The following AKAP19 variants were observed in gnomAD, a reference collection of about 807,000 sequenced individuals.
AKAP19 encodes the protein A-kinase anchoring protein 19.
chr2:190,057,282 T>C, the AKAP19 span: 3 of 1,613,344 alleles, frequency 1.9e-6, no homozygotes, highest in East Asian at 6.7e-5. Context: ...AGCGGTCTAC[T>C]ACCATCGCTG....
chr2:190,086,345 A>C, the AKAP19 span, among the ~76,000 whole-genome samples: 1 of 152,222 alleles, frequency 6.6e-6, no homozygotes, highest in Non-Finnish European at 1.5e-5. Flanking sequence ...GATAACCTGT[A>C]ATAATTTCAC....
the AKAP19 span, among the ~76,000 whole-genome samples, chr2:189,948,932 TG>T: frequency 6.6e-6 from 1 of 152,208 alleles, no homozygotes; most frequent in African/African-American, 2.4e-5. Flanking sequence ...ATTTTTGTTT[TG>T]TTTTTCTAGT....
the AKAP19 span, among the ~76,000 whole-genome samples, chr2:190,139,857 C>T: frequency 6.6e-6 from 1 of 152,152 alleles, no homozygotes; most frequent in Admixed American, 6.5e-5. Context: ...AACAGTGCCC[C>T]AATATCTTAA....
chr2:190,075,173 T>C, the AKAP19 span, among the ~76,000 whole-genome samples: 1 of 152,230 alleles, frequency 6.6e-6, no homozygotes, highest in African/African-American at 2.4e-5. Flanking sequence ...AGAAGTATGA[T>C]TAATTTCCAA....
the AKAP19 span, among the ~76,000 whole-genome samples, chr2:190,185,953 C>T: frequency 1.3e-5 from 2 of 152,144 alleles, no homozygotes; most frequent in African/African-American, 2.4e-5. Context: ...TATAGATTCA[C>T]AATTTTTATT....
chr2:189,930,394 G>T, the AKAP19 span: 1 of 334,960 alleles, frequency 3.0e-6, no homozygotes, highest in Non-Finnish European at 5.6e-6. Flanking sequence ...AAATTGAATT[G>T]GGGCTGGGCG....
chr2:190,175,702 G>A, the AKAP19 span, among the ~76,000 whole-genome samples: 2 of 152,182 alleles, frequency 1.3e-5, no homozygotes, highest in South Asian at 4.1e-4. Context: ...TCACTTCAGT[G>A]ACATAATGAG....
the AKAP19 span, among the ~76,000 whole-genome samples, chr2:189,957,048 C>T: frequency 8.8e-4 from 134 of 152,210 alleles, no homozygotes; most frequent in Non-Finnish European, 1.4e-3. Context: ...TGGTGGCCTG[C>T]GCCTGTAGTC....
At chr2:189,973,804 G>A in the AKAP19 span, among the ~76,000 whole-genome samples, 1 of 152,112 alleles carries the variant, frequency 6.6e-6, no homozygotes, top group African/African-American at 2.4e-5. Context: ...ATGGTAGTTT[G>A]TATTTCTTTG....
At chr2:190,048,795 A>T in the AKAP19 span, among the ~76,000 whole-genome samples, 1 of 152,178 alleles carries the variant, frequency 6.6e-6, no homozygotes, top group Admixed American at 6.5e-5. Context: ...ATCATTCTAC[A>T]TTTTATATCA....
chr2:189,981,030 T>A, the AKAP19 span, among the ~76,000 whole-genome samples: 1 of 152,208 alleles, frequency 6.6e-6, no homozygotes, highest in African/African-American at 2.4e-5. Flanking sequence ...TAGATGTTTG[T>A]TAGGTCCATT....
chr2:190,008,839 A>G, the AKAP19 span, among the ~76,000 whole-genome samples: 1 of 152,026 alleles, frequency 6.6e-6, no homozygotes, highest in Non-Finnish European at 1.5e-5. Flanking sequence ...GCTTTGGAAA[A>G]ATGAGTAAGT....
chr2:189,961,998 T>C, the AKAP19 span, among the ~76,000 whole-genome samples: 1 of 152,154 alleles, frequency 6.6e-6, no homozygotes, highest in African/African-American at 2.4e-5. Context: ...TGAATGGCCA[T>C]TATTCTTGTT....
chr2:189,949,233 C>CCT, the AKAP19 span, among the ~76,000 whole-genome samples: 2 of 152,092 alleles, frequency 1.3e-5, no homozygotes, highest in African/African-American at 4.8e-5. Flanking sequence ...ATGCAGAACC[C>CCT]GTAGATGTGG....
the AKAP19 span, among the ~76,000 whole-genome samples, chr2:189,971,962 G>A: frequency 4.0e-5 from 6 of 151,738 alleles, no homozygotes; most frequent in Non-Finnish European, 5.9e-5. Context: ...AGTTTCTTTT[G>A]CTGTGCAGAA....
the AKAP19 span, among the ~76,000 whole-genome samples, chr2:190,177,609 C>T: frequency 1.3e-5 from 2 of 152,110 alleles, no homozygotes; most frequent in Non-Finnish European, 2.9e-5. This position sits in a 1 kb window ranked among gnomAD's most constrained non-coding sequence, Gnocchi z 4.6. Flanking sequence ...GACTGGTCTG[C>T]CTGAGGCAAA....
the AKAP19 span, among the ~76,000 whole-genome samples, chr2:190,043,373 A>G: frequency 0.11 from 16,065 of 152,164 alleles, 2,268 homozygotes; most frequent in African/African-American, 0.33. Flanking sequence ...CCATACTTCT[A>G]GAGATTTTGT....
the AKAP19 span, among the ~76,000 whole-genome samples, chr2:189,890,744 C>T: frequency 2.6e-5 from 4 of 152,044 alleles, no homozygotes; most frequent in East Asian, 7.7e-4. Context: ...ATGGCAACCC[C>T]TGCCTTTTTT....
chr2:190,041,027 A>G, the AKAP19 span, among the ~76,000 whole-genome samples: 1 of 152,168 alleles, frequency 6.6e-6, no homozygotes, highest in Non-Finnish European at 1.5e-5. Context: ...GTTCCATATG[A>G]ATTAAAAATT....
Sources: allele counts gnomAD v4.1 joint callset (sites outside exome capture counted in the v4.1 genomes callset), GRCh38; gene constraint gnomAD v4.1.1; non-coding constraint Gnocchi (gnomAD v3.1); transcripts MANE v1.5; gene names NCBI Gene and HGNC (gene_info 2026-07-23, HGNC 2026-07-21).